The following UBP1 variants were observed in gnomAD, a reference collection of about 807,000 sequenced individuals.
UBP1 encodes the protein upstream-binding protein 1.
A neutral mutation model predicts 76.1 loss-of-function variants in UBP1; 22 were observed. That is an observed-to-expected ratio of 0.29 (90% CI 0.21 to 0.41). UBP1 has a LOEUF of 0.41. UBP1 is among the 10% of genes least tolerant of loss of function. UBP1 has a pLI of 1.00. For missense variants in UBP1, 436 were observed against 668.1 expected (o/e 0.65, Z 3.83); for synonymous variants, 224 against 237.1 (o/e 0.94, Z 0.51).
chr3:33,418,554 C>T (rs1223879871), intron 2 of UBP1, among the ~76,000 whole-genome samples: 2 of 151,968 alleles, frequency 1.3e-5, no homozygotes, highest in African/African-American at 2.4e-5. Flanking sequence ...CCACCGCACC[C>T]GGCCATAAGA....
At chr3:33,394,837 T>A (rs75286865) in intron 13 of UBP1, among the ~76,000 whole-genome samples, 34 of 150,290 alleles carry the variant, frequency 2.3e-4, no homozygotes, top group African/African-American at 5.9e-4. Context: ...TTTTTTTTTT[T>A]AAATAAAGTT....
At chr3:33,397,271 A>T in intron 11 of UBP1, 136 bp from the exon 12 acceptor site, 1 of 579,034 alleles carries the variant, frequency 1.7e-6, no homozygotes. Flanking sequence ...CATGAACAAT[A>T]TAAGAAGACA....
intron 8 of UBP1, among the ~76,000 whole-genome samples, chr3:33,405,755 T>G (rs1031365636): frequency 6.6e-6 from 1 of 152,116 alleles, no homozygotes; most frequent in Non-Finnish European, 1.5e-5. Flanking sequence ...GGCAAGACAC[T>G]GTCTCTAAAA....
rs2043673961 is a variant in UBP1, at chr3:33,389,510, A to G, written c.*821T>C. 2.6e-5 allele frequency: 4 copies of G among 152,066 alleles called. No homozygotes were observed. The South Asian group carries it at 8.3e-4, about 32-fold the overall frequency. The allele number at this position is 152,066 out of a possible 1,614,324, so 9.4% of individuals were successfully genotyped here. ...GGTGGGGGTGGTCAGAGATGGAGGGAGAGAGGGAAGAAAATGAGAGAAAAA... is the reference window on the plus strand; with the variant it reads ...GGTGGGGGTGGTCAGAGATGGAGGGGGAGAGGGAAGAAAATGAGAGAAAAA... On this transcript the variant is annotated 3_prime_UTR_variant, in exon 16 of 16. Coordinates refer to ENST00000283629, the MANE Select transcript of UBP1 (RefSeq NM_014517.5).
At chr3:33,436,204 C>T (rs140058038) in intron 1 of UBP1, among the ~76,000 whole-genome samples, 19 of 152,194 alleles carry the variant, frequency 1.2e-4, no homozygotes, top group African/African-American at 4.3e-4. Context: ...ATACACTGTC[C>T]AATGTTTAAA....
chr3:33,432,793 G>A (rs1287129141), intron 1 of UBP1, among the ~76,000 whole-genome samples: 2 of 152,206 alleles, frequency 1.3e-5, no homozygotes, highest in East Asian at 1.9e-4. Flanking sequence ...GGAGACAACT[G>A]TGAATTCCAA....
chr3:33,440,484 G>A (rs2045279929), upstream of UBP1: 1 of 151,918 alleles, frequency 6.6e-6, no homozygotes, highest in Non-Finnish European at 1.5e-5. Flanking sequence ...CCGCGCTTAG[G>A]GCCACTCCCC....
intron 4 of UBP1, 76 bp downstream of exon 4, chr3:33,412,646 G>A: frequency 1.1e-6 from 1 of 925,738 alleles, no homozygotes; most frequent in Non-Finnish European, 1.7e-6. Flanking sequence ...AGTAATTCAT[G>A]ATGCCAACAC....
At chr3:33,398,440 CAG>C (rs1218773323) in intron 11 of UBP1, 2 of 152,156 alleles carry the variant, frequency 1.3e-5, no homozygotes, top group South Asian at 2.1e-4. Context: ...CAGTTGTGAC[CAG>C]AGAGTACTGT....
At chr3:33,400,619 T>G (rs955392219) in intron 10 of UBP1, among the ~76,000 whole-genome samples, 3 of 152,040 alleles carry the variant, frequency 2.0e-5, no homozygotes, top group African/African-American at 7.2e-5. Flanking sequence ...CTAAAAAAAT[T>G]TGAACACATG....
chr3:33,426,020 TATATATATATATATATATAG>T (rs1446325583), intron 1 of UBP1, among the ~76,000 whole-genome samples: 52 of 102,344 alleles, frequency 5.1e-4, no homozygotes, highest in East Asian at 1.1e-3. Flanking sequence ...TATATATATA[TATATATATATATATATATAG>T]CACTTTAAAA....
chr3:33,413,886 C>T (rs1196762367), intron 3 of UBP1, among the ~76,000 whole-genome samples: 2 of 152,140 alleles, frequency 1.3e-5, no homozygotes, highest in Non-Finnish European at 2.9e-5. Context: ...TAGTGGTGGC[C>T]CCTAAGACAC....
intron 1 of UBP1, among the ~76,000 whole-genome samples, chr3:33,429,339 T>C (rs2045074761): frequency 6.6e-6 from 1 of 151,860 alleles, no homozygotes; most frequent in Non-Finnish European, 1.5e-5. Context: ...GAACTAAAAG[T>C]AGGGTGTTTC....
Position 33,393,392 on chromosome 3 carries a change from C to T in UBP1, c.1453G>A (p.Val485Met). 1.9e-6 allele frequency: 3 copies of T among 1,613,454 alleles called. No individual in the cohort carries two copies. The highest frequency in any genetic ancestry group is 2.5e-6 in the Non-Finnish European group (3 of 1,179,712). The change falls in exon 14 of 16, where the codon GTG becomes ATG. Residue 485 changes from valine to methionine, a missense_variant. Around this residue, in one of 3 missense-constraint regions of UBP1, gnomAD observed 210 missense variants for 272.8 expected, o/e 0.77. Coordinates refer to ENST00000283629, the MANE Select transcript of UBP1 (RefSeq NM_014517.5). ...ATTTGGTGGAGAGGGATATTAAACA[C>T]CAGCGCAAGTTTTCGAGCAACTTCT... Reference protein sequence around the residue: ...ASEVARKLALVFNIPLHQINQ... With the variant: ...ASEVARKLALMFNIPLHQINQ...
In UBP1 at chr3:33,396,241, C is replaced by T; in HGVS notation, c.1311G>A (p.Glu437=). The change falls in exon 13 of 16, where the codon GAG becomes GAA. Residue 437 remains glutamate, a synonymous_variant. Transcript: ENST00000283629. The part of the protein sequence containing the change: ...RPRLTIYVCR[E]QPSSTVLQGQ... ...CTTGCAGCACTGTGCTGCTTGGCTG[C>T]TCCCGGCAGACATAGATGGTTAAAC... 1 of 1,590,428 alleles carries T rather than the reference C, an allele frequency of 6.3e-7. No homozygotes were observed. Among genetic ancestry groups the T allele is most frequent in the Non-Finnish European group, 8.6e-7 (1 of 1,161,128 alleles).
rs2043706997 is a variant in UBP1 at position 33,390,322 on chromosome 3, T to C, written c.*9A>G. 3.1e-6 allele frequency: 5 copies of C among 1,613,828 alleles called. No homozygotes were observed. The highest frequency in any genetic ancestry group is 4.2e-6 in the Non-Finnish European group (5 of 1,179,662). ...TTGGTACTGAATACAGTTCAGTCTA[T>C]ATAAGACATCACTTCAAAATTATGT... On this transcript the variant is annotated 3_prime_UTR_variant, in exon 16 of 16. Coordinates refer to ENST00000283629, the MANE Select transcript of UBP1 (RefSeq NM_014517.5).
intron 5 of UBP1, among the ~76,000 whole-genome samples, chr3:33,410,252 G>A (rs901462701): frequency 6.6e-6 from 1 of 152,262 alleles, no homozygotes; most frequent in South Asian, 2.1e-4. Context: ...CAGCCTTAGG[G>A]TTTCACACAG....
At chr3:33,426,022 TATATATATATATATATAG>T (rs758314732) in intron 1 of UBP1, among the ~76,000 whole-genome samples, 12,114 of 115,964 alleles carry the variant, frequency 0.1, 1,249 homozygotes, top group East Asian at 0.37. Flanking sequence ...TATATATATA[TATATATATATATATATAG>T]CACTTTAAAA....
At chr3:33,397,616 CT>C (rs1214739522) in intron 11 of UBP1, 1 of 152,124 alleles carries the variant, frequency 6.6e-6, no homozygotes, top group Non-Finnish European at 1.5e-5. Flanking sequence ...GACTGGGCCT[CT>C]TTATTCTGAA....
Sources: gnomAD v4.1 joint callset for allele counts (sites outside exome capture counted in the v4.1 genomes callset) on GRCh38, gnomAD v4.1.1 for gene constraint, gnomAD v4.1.1 regional missense constraint, MANE v1.5 for transcripts, NCBI Gene and HGNC (gene_info 2026-07-23, HGNC 2026-07-21) for gene names.